The following SPON1 variants were observed in gnomAD, a reference collection of about 807,000 sequenced individuals.
SPON1 encodes the protein spondin-1.
A neutral mutation model predicts 111.7 loss-of-function variants in SPON1; 52 were observed. The observed-to-expected ratio is 0.47, with a 90% CI of 0.37 to 0.59. The LOEUF is 0.59. Ranked by LOEUF, SPON1 falls within the 20% of genes least tolerant of loss-of-function variation. The pLI is 0.00. For missense variants in SPON1, 957 were observed against 1,068.5 expected, an observed-to-expected ratio of 0.90 and a Z score of 1.46; for synonymous variants, 410 against 395.8, an observed-to-expected ratio of 1.04 and a Z score of -0.43.
In SPON1 at chr11:13,963,057, G is replaced by T; in HGVS notation, c.153G>T (p.Gln51His). The change falls in exon 1 of 16, where the codon CAG (glutamine) becomes CAT (histidine). Residue 51 changes from glutamine (Q) to histidine (H), a missense_variant. Around this residue, in one of 5 missense-constraint regions of SPON1, gnomAD observed 262 missense variants for 253.9 expected, o/e 1.03. Transcript: ENST00000576479. ...EGYCSRILRA[Q>H]GTRREGYTEF... Reference sequence around the variant, plus strand: ...ACTGCAGCCGTATCCTGCGCGCCCAGGGCACGCGGCGCGAGGGCTACACCG... The same window carrying T: ...ACTGCAGCCGTATCCTGCGCGCCCATGGCACGCGGCGCGAGGGCTACACCG... 6.3e-7 allele frequency: 1 copy of T among 1,578,418 alleles called. No homozygotes were observed. The highest frequency in any genetic ancestry group is 2.4e-5 in the East Asian group (1 of 41,992).
At chr11:14,155,396 A>G (rs945757239) in intron 6 of SPON1, among the ~76,000 whole-genome samples, 5 of 152,318 alleles carry the variant, frequency 3.3e-5, no homozygotes, top group African/African-American at 1.2e-4. Context: ...CTCAGGAAAT[A>G]TACAATCATG....
intron 1 of SPON1, among the ~76,000 whole-genome samples, chr11:13,978,528 TA>T (rs1848119914): frequency 6.6e-6 from 1 of 152,220 alleles, no homozygotes; most frequent in African/African-American, 2.4e-5. Flanking sequence ...TCACTGATAA[TA>T]ATGAGTTCAT....
rs578260595 is a variant in SPON1 at position 14,056,846 on chromosome 11, G to A, written c.479+15192G>A. ...GCGGAGCTTGCAGTAAGCGGAGATCGCGCCACTGCACTCCAGCCTGGGTGA... is the reference window on the plus strand; with the variant it reads ...GCGGAGCTTGCAGTAAGCGGAGATCACGCCACTGCACTCCAGCCTGGGTGA... On this transcript the variant is annotated intron_variant, in intron 3 of 15. Transcript: ENST00000576479. 6.6e-5 allele frequency among the ~76,000 whole-genome samples: 10 copies of A among 152,230 alleles called. No individual in the cohort carries two copies. In the East Asian group the frequency reaches 1.4e-3, roughly 21 times the overall value.
chr11:13,985,775 G>C (rs1848177778), intron 2 of SPON1, among the ~76,000 whole-genome samples: 1 of 152,088 alleles, frequency 6.6e-6, no homozygotes, highest in South Asian at 2.1e-4. Flanking sequence ...GACTAAGACA[G>C]TCCAGCATCT....
At chr11:14,113,765 G>A (rs1013031044) in intron 5 of SPON1, among the ~76,000 whole-genome samples, 2 of 151,566 alleles carry the variant, frequency 1.3e-5, no homozygotes, top group African/African-American at 4.8e-5. Flanking sequence ...ACCACGCCCG[G>A]CTAATTTTTT....
chr11:14,262,672 C>G, intron 14 of SPON1, 40 bp from the exon 15 acceptor site: 1 of 1,611,254 alleles, frequency 6.2e-7, no homozygotes, highest in Non-Finnish European at 8.5e-7. Context: ...TATCTTGTTT[C>G]AGACATGTGA....
chr11:14,218,439 C>G (rs1345729655), intron 6 of SPON1, among the ~76,000 whole-genome samples: 2 of 152,118 alleles, frequency 1.3e-5, no homozygotes, highest in Non-Finnish European at 2.9e-5. Context: ...CCATTGGTCC[C>G]CCTGATAAAA....
intron 3 of SPON1, among the ~76,000 whole-genome samples, chr11:14,067,067 C>T (rs1848838348): frequency 6.6e-6 from 1 of 152,122 alleles, no homozygotes; most frequent in Admixed American, 6.5e-5. Context: ...GTCCCAGCTA[C>T]TCAGGAAGCT....
At chr11:14,059,848 G>GA (rs766147835) in intron 3 of SPON1, among the ~76,000 whole-genome samples, 13 of 152,114 alleles carry the variant, frequency 8.5e-5, no homozygotes, top group Admixed American at 5.2e-4. Flanking sequence ...CACCTGCCTG[G>GA]TGATCAATAC....
At chr11:14,075,703 T>C (rs990758385) in intron 4 of SPON1, among the ~76,000 whole-genome samples, 2 of 152,194 alleles carry the variant, frequency 1.3e-5, no homozygotes, top group African/African-American at 4.8e-5. Flanking sequence ...AGAGGTTCCT[T>C]GGAATAATTC....
At chr11:14,138,032 CA>C (rs1847611775) in intron 6 of SPON1, among the ~76,000 whole-genome samples, 1 of 152,210 alleles carries the variant, frequency 6.6e-6, no homozygotes, top group Non-Finnish European at 1.5e-5. Flanking sequence ...TCCTAGAATA[CA>C]AAAGTGTCCT....
intron 14 of SPON1, among the ~76,000 whole-genome samples, chr11:14,261,982 A>C (rs1849189362): frequency 6.6e-6 from 1 of 152,196 alleles, no homozygotes. Context: ...GCCTTGCAAG[A>C]CCAACAGAGA....
intron 7 of SPON1, among the ~76,000 whole-genome samples, chr11:14,254,192 G>T (rs1472521871): frequency 6.6e-6 from 1 of 152,198 alleles, no homozygotes; most frequent in Non-Finnish European, 1.5e-5. Context: ...GAGGTGCAAG[G>T]ATCACTTGAG....
intron 3 of SPON1, 116 bp from the exon 4 acceptor site, chr11:14,075,229 G>C (rs1848907720): frequency 5.6e-6 from 4 of 708,150 alleles, no homozygotes; most frequent in Admixed American, 2.2e-5. Flanking sequence ...AAGACAGAGA[G>C]AGTTGGGGTG....
chr11:14,265,486 G>A (rs782430316), intron 15 of SPON1, 38 bp from the exon 16 acceptor site: 23 of 1,596,016 alleles, frequency 1.4e-5, no homozygotes, highest in Admixed American at 5.2e-5. Flanking sequence ...GTTCCGTCCC[G>A]TTTCTGCGGG....
intron 6 of SPON1, among the ~76,000 whole-genome samples, chr11:14,143,006 T>G (rs1314799139): frequency 1.3e-5 from 2 of 152,222 alleles, no homozygotes; most frequent in Non-Finnish European, 2.9e-5. Flanking sequence ...ACAGAGCTGC[T>G]GCCTCTGCTT....
rs567714850 is a variant in SPON1 at position 14,097,974 on chromosome 11, T to G, written c.676+17953T>G. 8.5e-5 allele frequency among the ~76,000 whole-genome samples: 13 copies of G among 152,250 alleles called. No individual in the cohort carries two copies. In the South Asian group the frequency reaches 2.7e-3, roughly 32 times the overall value. On this transcript the variant is annotated intron_variant, in intron 5 of 15. Transcript: ENST00000576479. ...AGGATGTTAAATATAGATGTACACT[T>G]CTAATTTTTTTAATGGGTGTTGCAT...
chr11:14,168,004 A>G lies in SPON1; in HGVS notation c.825+32436A>G, dbSNP rs371948595. On this transcript the variant is annotated intron_variant, in intron 6 of 15. Coordinates refer to ENST00000576479, the MANE Select transcript of SPON1 (RefSeq NM_006108.4). ...TCTCTTTAACAAAATCCATATTCCT[A>G]TGCCTTCTTATAATCTTTTACCAAA... is the stretch of plus-strand genomic sequence containing the variant. Among the ~76,000 whole-genome samples the G allele has an allele frequency of 4.6e-5, 7 of 152,224 alleles. No individual in the cohort carries two copies. The South Asian group carries it at 1.5e-3, about 32-fold the overall frequency.
chr11:14,177,607 C>G (rs1437475673), intron 6 of SPON1, among the ~76,000 whole-genome samples: 1 of 152,288 alleles, frequency 6.6e-6, no homozygotes, highest in Non-Finnish European at 1.5e-5. Context: ...CTGTATGACT[C>G]CTAAACCATA....
Sources: allele counts gnomAD v4.1 joint callset (sites outside exome capture counted in the v4.1 genomes callset), GRCh38; gene constraint gnomAD v4.1.1; regional missense constraint gnomAD v4.1.1; transcripts MANE v1.5; gene names NCBI Gene and HGNC (gene_info 2026-07-23, HGNC 2026-07-21).